Variants in SYN3 observed in about 807,000 individuals in gnomAD.
SYN3 encodes synapsin III.
A neutral mutation model predicts 65.8 loss-of-function variants in SYN3; 35 were observed. The observed-to-expected ratio is 0.53, with a 90% CI of 0.41 to 0.70. The LOEUF (loss-of-function observed/expected upper bound fraction) is 0.70, where lower values mean the gene tolerates loss of function less well. SYN3 is among the 30% of genes least tolerant of loss of function. The pLI is 0.00. For missense variants in SYN3, 680 were observed against 749.0 expected, an observed-to-expected ratio of 0.91 and a Z score of 1.08; for synonymous variants, 270 against 292.9, an observed-to-expected ratio of 0.92 and a Z score of 0.80.
chr22:32,748,100 C>A (rs5754245), intron 6 of SYN3, among the ~76,000 whole-genome samples: 1 of 151,916 alleles, frequency 6.6e-6, no homozygotes, highest in Non-Finnish European at 1.5e-5. Flanking sequence ...GAACCTTAGA[C>A]GCTGGATGAC....
At chr22:32,954,089 TACCCAC>T (rs2051371155) in intron 3 of SYN3, among the ~76,000 whole-genome samples, 1 of 148,858 alleles carries the variant, frequency 6.7e-6, no homozygotes, top group South Asian at 2.1e-4. Flanking sequence ...GAGAGAGTTG[TACCCAC>T]ACCCAACAAA....
chr22:33,053,461 C>T (rs555780071), intron 1 of SYN3, among the ~76,000 whole-genome samples: 5 of 152,216 alleles, frequency 3.3e-5, no homozygotes, highest in African/African-American at 1.2e-4. Context: ...AGAGATGGAG[C>T]CTTGCTTTGA....
intron 3 of SYN3, among the ~76,000 whole-genome samples, chr22:32,943,514 C>T (rs2051005527): frequency 1.3e-5 from 2 of 152,258 alleles, no homozygotes; most frequent in African/African-American, 2.4e-5. Context: ...TAAAGACCAT[C>T]GATGCTAGGA....
At chr22:33,005,800 A>C (rs1471311680) in intron 2 of SYN3, among the ~76,000 whole-genome samples, 1 of 152,180 alleles carries the variant, frequency 6.6e-6, no homozygotes, top group African/African-American at 2.4e-5. Flanking sequence ...TCCTCATAAC[A>C]AGCTCATTTT....
chr22:32,702,641 A>G (rs540940292), intron 6 of SYN3, among the ~76,000 whole-genome samples: 1 of 152,292 alleles, frequency 6.6e-6, no homozygotes, highest in African/African-American at 2.4e-5. Flanking sequence ...AGCATTTGAC[A>G]TTTATTAGTC....
chr22:32,677,272 C>T (rs2060459080), intron 6 of SYN3, among the ~76,000 whole-genome samples: 1 of 150,372 alleles, frequency 6.7e-6, no homozygotes, highest in Non-Finnish European at 1.5e-5. Context: ...AAGCAGTGAT[C>T]CTCTATCCAG....
At chr22:32,737,723 G>A (rs1384895252) in intron 6 of SYN3, among the ~76,000 whole-genome samples, 1 of 152,120 alleles carries the variant, frequency 6.6e-6, no homozygotes, top group African/African-American at 2.4e-5. Flanking sequence ...TTTCAGAGAC[G>A]GTATTAACTA....
intron 6 of SYN3, among the ~76,000 whole-genome samples, chr22:32,795,474 C>G (rs1166888715): frequency 6.6e-6 from 1 of 152,178 alleles, no homozygotes; most frequent in Non-Finnish European, 1.5e-5. Context: ...GAGTTTTGGA[C>G]ACCTGGAGTC....
intron 6 of SYN3, among the ~76,000 whole-genome samples, chr22:32,807,394 AATAT>A (rs367926863): frequency 1.1e-4 from 11 of 100,618 alleles, no homozygotes; most frequent in Admixed American, 2.5e-4. Flanking sequence ...TATTATATAT[AATAT>A]ATATATATTA....
intron 6 of SYN3, among the ~76,000 whole-genome samples, chr22:32,840,102 G>A (rs142749332): frequency 6.6e-6 from 1 of 152,088 alleles, no homozygotes; most frequent in Non-Finnish European, 1.5e-5. Flanking sequence ...GGGCAGGGAG[G>A]TTTTCATATC....
At chr22:33,052,963 T>C (rs2054196066) in intron 1 of SYN3, among the ~76,000 whole-genome samples, 1 of 152,220 alleles carries the variant, frequency 6.6e-6, no homozygotes, top group African/African-American at 2.4e-5. Context: ...TTATAAATAG[T>C]GTACAGAGTG....
rs368704572 is a variant in SYN3, at chr22:32,910,352, G to A, written c.461+21038C>T. 5.9e-5 allele frequency among the ~76,000 whole-genome samples: 9 copies of A among 152,130 alleles called. No homozygotes were observed. In the South Asian group the frequency reaches 1.5e-3, roughly 25 times the overall value. ...TGGAATTCTGATCACTCAGCACCCC[G>A]TACCCCCAAAAAGCTCAAAGAAACT... On this transcript the variant is annotated intron_variant, in intron 4 of 13. Coordinates refer to ENST00000358763, the MANE Select transcript of SYN3 (RefSeq NM_003490.4).
chr22:32,852,101 T>A (rs2048234192), intron 6 of SYN3, among the ~76,000 whole-genome samples: 1 of 152,212 alleles, frequency 6.6e-6, no homozygotes, highest in Non-Finnish European at 1.5e-5. Flanking sequence ...TTTGCATAGA[T>A]CAGTACTTAT....
At chr22:33,039,325 T>G (rs2053918776) in intron 1 of SYN3, among the ~76,000 whole-genome samples, 1 of 152,114 alleles carries the variant, frequency 6.6e-6, no homozygotes, top group African/African-American at 2.4e-5. Flanking sequence ...CCTGTATATT[T>G]TTATATTTAT....
intron 7 of SYN3, among the ~76,000 whole-genome samples, chr22:32,554,967 T>C (rs773437374): frequency 6.6e-6 from 1 of 152,236 alleles, no homozygotes; most frequent in African/African-American, 2.4e-5. Flanking sequence ...AGATACTACA[T>C]GTAAATGCAC....
intron 6 of SYN3, among the ~76,000 whole-genome samples, chr22:32,726,331 C>T (rs1258181512): frequency 6.6e-6 from 1 of 152,128 alleles, no homozygotes; most frequent in Non-Finnish European, 1.5e-5. Context: ...TTGGTAGAGA[C>T]AGGGTTTCAC....
At chr22:32,595,488 C>T (rs890565002) in intron 7 of SYN3, among the ~76,000 whole-genome samples, 6 of 152,100 alleles carry the variant, frequency 3.9e-5, no homozygotes, top group Non-Finnish European at 7.4e-5. Context: ...TATAGTTTGT[C>T]AGGATGTTAT....
At position 32,509,444 on chromosome 22, in the gene SYN3, T is replaced by A. The variant is rs1349208110; in HGVS notation, c.*4248A>T. Among the ~76,000 whole-genome samples, 1 of 152,138 alleles carries A rather than the reference T, an allele frequency of 6.6e-6. No individual in the cohort carries two copies. Among genetic ancestry groups the A allele is most frequent in the Non-Finnish European group, 1.5e-5 (1 of 68,020 alleles). ...TTCAAAATGTCACAATTATTAAAGGTTACATGTTTGGAAGGAACAGGTACT... is the reference window on the plus strand; with the variant it reads ...TTCAAAATGTCACAATTATTAAAGGATACATGTTTGGAAGGAACAGGTACT... On this transcript the variant is annotated 3_prime_UTR_variant, in exon 14 of 14. Coordinates refer to ENST00000358763, the MANE Select transcript of SYN3 (RefSeq NM_003490.4).
At chr22:32,706,226 G>T (rs2060879273) in intron 6 of SYN3, among the ~76,000 whole-genome samples, 1 of 151,768 alleles carries the variant, frequency 6.6e-6, no homozygotes, top group Non-Finnish European at 1.5e-5. Flanking sequence ...TTATTTTGAG[G>T]TATGTTCCTT....
Sources: allele counts gnomAD v4.1 joint callset (sites outside exome capture counted in the v4.1 genomes callset), GRCh38; gene constraint gnomAD v4.1.1; transcripts MANE v1.5; gene names NCBI Gene and HGNC (gene_info 2026-07-23, HGNC 2026-07-21).